The following CPA6 variants were observed in gnomAD, a reference collection of about 807,000 sequenced individuals.
CPA6 encodes the protein carboxypeptidase A6, also known as carboxypeptidase B.
In CPA6, 58 loss-of-function variants were observed where a neutral mutation model predicts 63.3. The ratio of observed to expected loss-of-function variants is 0.92; its 90% CI spans 0.74 to 1.14. The LOEUF is 1.14. Among genes scored for constraint, CPA6 ranks in the 50% most tolerant of loss-of-function variants. The pLI is 0.00. For synonymous variants in CPA6, 185 were observed against 179.0 expected (o/e 1.03, Z -0.27); for missense variants, 565 against 526.6 (o/e 1.07, Z -0.71).
At chr8:67,488,023 GT>G (rs1471671352) in intron 6 of CPA6, among the ~76,000 whole-genome samples, 2 of 152,240 alleles carry the variant, frequency 1.3e-5, no homozygotes, top group Admixed American at 1.3e-4. Context: ...TCTGATGGTA[GT>G]TTCTTTTGCT....
intron 2 of CPA6, among the ~76,000 whole-genome samples, chr8:67,575,732 C>T (rs1813606515): frequency 1.3e-5 from 2 of 151,984 alleles, no homozygotes; most frequent in Admixed American, 1.3e-4. Flanking sequence ...CTGGCAGGTG[C>T]CTGTAATCCC....
At chr8:67,448,433 C>G (rs1374023469) in intron 8 of CPA6, among the ~76,000 whole-genome samples, 1 of 151,314 alleles carries the variant, frequency 6.6e-6, no homozygotes, top group African/African-American at 2.4e-5. Flanking sequence ...GAGTTTGAGA[C>G]CAGCCTGGGC....
At chr8:67,423,886 G>A (rs1201965233) in intron 10 of CPA6, among the ~76,000 whole-genome samples, 2 of 152,216 alleles carry the variant, frequency 1.3e-5, no homozygotes, top group South Asian at 2.1e-4. Context: ...GTACTGGTCC[G>A]AGGCCTGTTA....
chr8:67,650,584 C>T (rs62513801), intron 1 of CPA6, among the ~76,000 whole-genome samples: 99 of 152,154 alleles, frequency 6.5e-4, no homozygotes, highest in Non-Finnish European at 1.0e-3. Context: ...AATCATGGTG[C>T]CAGAGAAATG....
At chr8:67,620,848 C>T (rs1815064376) in intron 2 of CPA6, among the ~76,000 whole-genome samples, 1 of 152,126 alleles carries the variant, frequency 6.6e-6, no homozygotes, top group Non-Finnish European at 1.5e-5. Flanking sequence ...CTGAAAAATA[C>T]TATCTTTAGA....
chr8:67,687,928 T>G (rs1013505065), intron 1 of CPA6, among the ~76,000 whole-genome samples: 1 of 152,156 alleles, frequency 6.6e-6, no homozygotes, highest in Admixed American at 6.5e-5. Context: ...GAACTGGAAC[T>G]CCTAGTATGA....
chr8:67,443,535 T>A (rs1810342417), intron 8 of CPA6, among the ~76,000 whole-genome samples: 1 of 152,198 alleles, frequency 6.6e-6, no homozygotes, highest in Admixed American at 6.5e-5. Context: ...CATACGACTT[T>A]AAAGTGGATA....
intron 8 of CPA6, among the ~76,000 whole-genome samples, chr8:67,454,022 T>C (rs1810616149): frequency 6.6e-6 from 1 of 152,256 alleles, no homozygotes; most frequent in South Asian, 2.1e-4. Flanking sequence ...GCCAGTGTTA[T>C]TTACTGCAGA....
intron 2 of CPA6, among the ~76,000 whole-genome samples, chr8:67,554,888 A>T (rs974895268): frequency 2.0e-5 from 3 of 151,776 alleles, no homozygotes; most frequent in Non-Finnish European, 4.4e-5. Flanking sequence ...GATCTTCTCC[A>T]CTCAGTCCAC....
In CPA6 at chr8:67,526,976, T is replaced by G. The variant is rs369582542; in HGVS notation, c.193-8929A>C. ...AATATTTCACTACGTTTTGCTAGCT[T>G]AAAATAATCCTCTACCTGAAATTCG... On this transcript the variant is annotated intron_variant, in intron 2 of 10. Transcript: ENST00000297770. Among the ~76,000 whole-genome samples the G allele has an allele frequency of 2.0e-5, 3 of 152,294 alleles. No homozygotes were observed. The South Asian group carries it at 6.2e-4, about 32-fold the overall frequency.
At chr8:67,741,453 C>T (rs1817911040) in intron 1 of CPA6, among the ~76,000 whole-genome samples, 1 of 152,200 alleles carries the variant, frequency 6.6e-6, no homozygotes, top group Non-Finnish European at 1.5e-5. Context: ...CTCCTGGCCA[C>T]AGACCGGTTC....
intron 8 of CPA6, among the ~76,000 whole-genome samples, chr8:67,475,879 CTCCTTTCTTTCTTT>C (rs1563968021): frequency 5.3e-3 from 239 of 45,054 alleles, no homozygotes; most frequent in Admixed American, 6.9e-3. Context: ...TTCTTTCTTT[CTCCTTTCTTTCTTT>C]CTTTCTTTCT....
At chr8:67,565,176 T>C (rs1366765524) in intron 2 of CPA6, among the ~76,000 whole-genome samples, 1 of 152,062 alleles carries the variant, frequency 6.6e-6, no homozygotes, top group East Asian at 1.9e-4. Flanking sequence ...CTTTCTTTTT[T>C]TTTTTTGTTG....
At chr8:67,626,802 G>C (rs1000250103) in intron 1 of CPA6, among the ~76,000 whole-genome samples, 1 of 152,136 alleles carries the variant, frequency 6.6e-6, no homozygotes, top group Non-Finnish European at 1.5e-5. Context: ...TCCATCTGGG[G>C]CCTTGTCAGC....
intron 2 of CPA6, among the ~76,000 whole-genome samples, chr8:67,539,062 C>T (rs1237651777): frequency 1.3e-5 from 2 of 152,094 alleles, no homozygotes; most frequent in African/African-American, 4.8e-5. Context: ...GGTTATTTTG[C>T]CCATTAGTTG....
intron 8 of CPA6, among the ~76,000 whole-genome samples, chr8:67,448,871 T>C (rs1810493987): frequency 6.6e-6 from 1 of 152,134 alleles, no homozygotes; most frequent in African/African-American, 2.4e-5. Context: ...TCAGTTTTTC[T>C]AGAGGAATAG....
intron 1 of CPA6, among the ~76,000 whole-genome samples, chr8:67,704,071 G>A (rs1817082344): frequency 6.6e-6 from 1 of 152,156 alleles, no homozygotes; most frequent in Non-Finnish European, 1.5e-5. Flanking sequence ...TGTCAGGTGG[G>A]CAAATAAACA....
In CPA6 at chr8:67,506,818, C is replaced by G; in HGVS notation, c.605G>C (p.Gly202Ala). 3.1e-6 allele frequency: 5 copies of G among 1,613,198 alleles called. No individual in the cohort carries two copies. Among genetic ancestry groups the G allele is most frequent in the Non-Finnish European group, 4.2e-6 (5 of 1,179,296 alleles). The change falls in exon 6 of 11, where the codon GGT (glycine) becomes GCT (alanine). Residue 202 changes from glycine (G) to alanine (A), a missense_variant. Transcript: ENST00000297770. ...DCGIHAREWI[G>A]PAFCQWFVKE... ...TACAAACCACTGACAAAAGGCAGGA[C>G]CAATCCATTCTCTTGCATGAATACC...
intron 2 of CPA6, among the ~76,000 whole-genome samples, chr8:67,574,545 T>C (rs1813573539): frequency 6.6e-6 from 1 of 152,120 alleles, no homozygotes; most frequent in Non-Finnish European, 1.5e-5. Flanking sequence ...AATAGACACA[T>C]TGACCAATGG....
Sources: allele counts gnomAD v4.1 joint callset (sites outside exome capture counted in the v4.1 genomes callset), GRCh38; gene constraint gnomAD v4.1.1; transcripts MANE v1.5; gene names NCBI Gene and HGNC (gene_info 2026-07-23, HGNC 2026-07-21).